HEATR1: variants seen among roughly 807,000 people sequenced by gnomAD.
HEATR1 encodes HEAT repeat-containing protein 1.
In HEATR1, 77 loss-of-function variants were observed where a neutral mutation model predicts 248.2. That is an observed-to-expected ratio of 0.31 (90% CI 0.26 to 0.37). The LOEUF is 0.37. Ranked by LOEUF, HEATR1 falls within the 10% of genes least tolerant of loss-of-function variation. The probability of loss-of-function intolerance (pLI) is 1.00; values close to 1 mark genes in which losing one functional copy is unlikely to be tolerated. For missense variants in HEATR1, 2,420 were observed against 2,504.9 expected, an observed-to-expected ratio of 0.97 and a Z score of 0.72; for synonymous variants, 897 against 923.1, an observed-to-expected ratio of 0.97 and a Z score of 0.51.
At chr1:236,567,276 C>T (rs1486651806) in intron 29 of HEATR1, among the ~76,000 whole-genome samples, 1 of 152,164 alleles carries the variant, frequency 6.6e-6, no homozygotes, top group Admixed American at 6.5e-5. Context: ...CCACACTCAG[C>T]CACAAGAGTT....
In HEATR1 at chr1:236,554,575, G is replaced by A. The variant is rs1406844657; in HGVS notation, c.6078+23C>T. ...GAACAGTGATGGCTTCCTCAGCAAC[G>A]AAAGATGATTCTGTTTGGTTACCTG... On this transcript the variant is annotated intron_variant, in intron 42 of 44. Transcript: ENST00000366582. 25 of 1,605,856 alleles carry A rather than the reference G, an allele frequency of 1.6e-5. No homozygotes were observed. In the South Asian group the frequency reaches 2.6e-4, roughly 17 times the overall value.
chr1:236,570,549 T>A (rs920186073), intron 28 of HEATR1, among the ~76,000 whole-genome samples: 3 of 152,010 alleles, frequency 2.0e-5, no homozygotes, highest in Non-Finnish European at 2.9e-5. Flanking sequence ...TCTGGGGTGA[T>A]GAAAATACTC....
At chr1:236,599,046 CCTTTT>C (rs1393835735) in intron 4 of HEATR1, among the ~76,000 whole-genome samples, 1 of 152,188 alleles carries the variant, frequency 6.6e-6, no homozygotes, top group Non-Finnish European at 1.5e-5. Flanking sequence ...TTATCCTTAT[CCTTTT>C]AATTTTTGTA....
At position 236,585,207 on chromosome 1, in the gene HEATR1, A is replaced by T; in HGVS notation, c.2059T>A (p.Leu687Ile). Residue 687 changes from leucine (L) to isoleucine (I), a missense_variant, in exon 17 of 45, where the codon TTA becomes ATA. Leu to Ile is a conservative substitution (Grantham distance 5). Transcript: ENST00000366582. ...PSSMLKMVED[L>I]ISVGEEESFN... The stretch of plus-strand genomic sequence containing the variant: ...GACTCCTCCTCACCCACGCTTATTA[A>T]ATCCTCCACCTTGAAAAATAAACAC... 1 of 1,604,396 alleles carries T rather than the reference A, an allele frequency of 6.2e-7. No individual in the cohort carries two copies. Among genetic ancestry groups the T allele is most frequent in the South Asian group, 1.1e-5 (1 of 88,924 alleles).
intron 20 of HEATR1, among the ~76,000 whole-genome samples, chr1:236,580,293 G>A (rs1663678231): frequency 6.6e-6 from 1 of 152,110 alleles, no homozygotes; most frequent in Admixed American, 6.5e-5. Context: ...AATGCAGGAG[G>A]GTTTTGTTTT....
rs560393274 is a variant in HEATR1, at chr1:236,558,999, G to T, written c.4907C>A (p.Thr1636Lys). ...KLQQNISWKK[T>K]IVTRFLKLVP... ...GTGTCCTGGGTCTTCACTCACTATT[G>T]TCTTCTTCCAGGATATATTTTGCTG... The change falls in exon 35 of 45, where the codon ACA becomes AAA. Residue 1636 changes from threonine to lysine, a missense_variant. Thr to Lys is a moderately conservative substitution (Grantham distance 78). Transcript: ENST00000366582. The T allele has an allele frequency of 9.3e-6, 15 of 1,605,232 alleles. No homozygotes were observed. The African/African-American group carries it at 2.0e-4, about 22-fold the overall frequency.
intron 29 of HEATR1, 27 bp downstream of exon 29, chr1:236,568,969 C>T (rs752998021): frequency 1.4e-6 from 2 of 1,398,990 alleles, no homozygotes; most frequent in Non-Finnish European, 1.9e-6. Context: ...AAAAAAGAAA[C>T]CCCACGATGG....
intron 15 of HEATR1, 104 bp downstream of exon 15, chr1:236,586,137 A>C (rs1663878227): frequency 1.8e-6 from 2 of 1,139,818 alleles, no homozygotes; most frequent in Non-Finnish European, 1.2e-6. Flanking sequence ...ATTTTAAAAG[A>C]CCTTACTGGC....
intron 8 of HEATR1, among the ~76,000 whole-genome samples, chr1:236,594,353 A>G (rs1469166783): frequency 6.6e-6 from 1 of 152,182 alleles, no homozygotes; most frequent in African/African-American, 2.4e-5. Context: ...AACAAGTACT[A>G]TCATGCTTAT....
chr1:236,559,904 CT>C, intron 33 of HEATR1, 67 bp from the exon 34 acceptor site: 2 of 1,450,852 alleles, frequency 1.4e-6, no homozygotes, highest in Non-Finnish European at 1.9e-6. Context: ...TCATGTCTAC[CT>C]TATGCTAAAT....
Position 236,552,105 on chromosome 1 carries a change from A to C in HEATR1, c.6240T>G (p.Val2080=). The change falls in exon 44 of 45, where the codon GTT becomes GTG. Residue 2080 remains valine (V), a splice_region_variant and synonymous_variant. Transcript: ENST00000366582. The part of the protein sequence containing the change: ...LLKTRDSSPK[V]RFAALITVLA... ...ACACAGTAATCAAAGCAGCAAATCGAACCTGAAAGGGATAAAAGAGCAAAG... is the reference window on the plus strand; with the variant it reads ...ACACAGTAATCAAAGCAGCAAATCGCACCTGAAAGGGATAAAAGAGCAAAG... 2 of 1,597,410 alleles carry C rather than the reference A, an allele frequency of 1.3e-6. No homozygotes were observed. The highest frequency in any genetic ancestry group is 1.7e-6 in the Non-Finnish European group (2 of 1,165,516).
At position 236,549,035 on chromosome 1, in the gene HEATR1, A is replaced by C; in HGVS notation, c.*1867T>G. On this transcript the variant is annotated 3_prime_UTR_variant, in exon 45 of 45. Transcript: ENST00000366582. The stretch of plus-strand genomic sequence containing the variant: ...TTTGAAAGATATTTATGGGCAACAA[A>C]GTAAGGTCAGGATTAGACTTCAGGC... The C allele has an allele frequency of 2.5e-6, 1 of 398,628 alleles. No individual in the cohort carries two copies. Among genetic ancestry groups the C allele is most frequent in the East Asian group, 3.6e-5 (1 of 28,082 alleles). 24.7% of individuals were successfully genotyped at this position (398,628 alleles called of 1,614,324 possible). A position where few individuals can be genotyped will look rare whatever the true frequency, so the allele number is the denominator to read the frequency against.
intron 10 of HEATR1, 70 bp downstream of exon 10, chr1:236,592,453 G>T: frequency 1.4e-6 from 1 of 719,362 alleles, no homozygotes; most frequent in South Asian, 1.6e-5. Context: ...ATTAAGATGT[G>T]ACTTGTGAAT....
rs144384712 is a variant in HEATR1 at position 236,554,996 on chromosome 1, G to A, written c.5924-244C>T. Among the ~76,000 whole-genome samples, 177 of 152,292 alleles carry A rather than the reference G, an allele frequency of 1.2e-3. 2 individuals are homozygous for A. The highest frequency in any genetic ancestry group is 4.0e-3 in the African/African-American group (168 of 41,558). ...TTCCCTCAACTGTCAAGTGGGTCAC[G>A]TATTAGCATTAGAGAATAAACTAAT... is the stretch of plus-strand genomic sequence containing the variant. On this transcript the variant is annotated intron_variant, in intron 41 of 44. Transcript: ENST00000366582.
In HEATR1 at chr1:236,598,224, AT is replaced by A. The variant is rs142309791; in HGVS notation, c.502-246del. The stretch of plus-strand genomic sequence containing the variant: ...AAGATGTTTGCTTATCGTATGTCAC[AT>A]TTTGAAAGGTATTTATCAAAATCTG... On this transcript the variant is annotated intron_variant, in intron 4 of 44. Coordinates refer to ENST00000366582, the MANE Select transcript of HEATR1 (RefSeq NM_018072.6). Among the ~76,000 whole-genome samples, 440 of 152,342 alleles carry A rather than the reference AT, an allele frequency of 2.9e-3. 6 individuals carry two copies. The highest frequency in any genetic ancestry group is 1.0e-2 in the African/African-American group (414 of 41,574).
At chr1:236,585,350 C>A (rs375438667) in intron 16 of HEATR1, 134 bp from the exon 17 acceptor site, 1 of 612,320 alleles carries the variant, frequency 1.6e-6, no homozygotes. Flanking sequence ...TTATAAAGTA[C>A]TAAGCACTGA....
In HEATR1 at chr1:236,586,743, AAAT is replaced by A. The variant is rs541985608; in HGVS notation, c.1716-294_1716-292del. 9.2e-5 allele frequency among the ~76,000 whole-genome samples: 14 copies of A among 152,114 alleles called. No homozygotes were observed. In the South Asian group the frequency reaches 1.0e-3, roughly 11 times the overall value. On this transcript the variant is annotated intron_variant, in intron 14 of 44. Coordinates refer to ENST00000366582, the MANE Select transcript of HEATR1 (RefSeq NM_018072.6). ...CTCATCCTGTCTAATCTTAAAAAAA[AAAT>A]AATAATTTTTCTTAGAGAAATCACT...
intron 3 of HEATR1, among the ~76,000 whole-genome samples, chr1:236,600,129 T>A (rs1417225348): frequency 4.7e-5 from 6 of 126,494 alleles, no homozygotes; most frequent in Non-Finnish European, 8.1e-5. Context: ...TTTTTTTTTT[T>A]TTTTTTTTTT....
At chr1:236,599,379 A>G (rs1269255742) in intron 4 of HEATR1, 104 bp downstream of exon 4, 5 of 743,600 alleles carry the variant, frequency 6.7e-6, no homozygotes, top group Admixed American at 3.4e-5. Flanking sequence ...TGATGGAGGT[A>G]GTTATCTGGA....
Sources: allele counts gnomAD v4.1 joint callset (sites outside exome capture counted in the v4.1 genomes callset), GRCh38; gene constraint gnomAD v4.1.1; transcripts MANE v1.5; gene names NCBI Gene and HGNC (gene_info 2026-07-23, HGNC 2026-07-21).